KCNMB2: variants seen among roughly 807,000 people sequenced by gnomAD.
The protein encoded by KCNMB2 is calcium-activated potassium channel subunit beta-2.
KCNMB2 carries 9 observed loss-of-function variants against 24.5 expected under a neutral mutation model. The observed-to-expected ratio is 0.37, with a 90% CI of 0.22 to 0.64. The LOEUF is 0.64. Ranked by LOEUF, KCNMB2 falls within the 30% of genes least tolerant of loss-of-function variation. The pLI is 0.63. For missense variants in KCNMB2, 226 were observed against 284.3 expected, an observed-to-expected ratio of 0.79 and a Z score of 1.47; for synonymous variants, 109 against 104.4, an observed-to-expected ratio of 1.04 and a Z score of -0.27.
chr3:178,832,345 C>CATTCAGGATCACCTCATTCTGACTTCA (rs1278749569), intron 4 of KCNMB2, among the ~76,000 whole-genome samples: 28 of 83,312 alleles, frequency 3.4e-4, no homozygotes, highest in South Asian at 9.1e-4. Flanking sequence ...TAATCTTGGC[C>CATTCAGGATCACCTCATTCTGACTTCA]TATTTTAAAG....
intron 1 of KCNMB2, among the ~76,000 whole-genome samples, chr3:178,694,340 C>T (rs1377861520): frequency 6.6e-6 from 1 of 152,188 alleles, no homozygotes; most frequent in African/African-American, 2.4e-5. Flanking sequence ...TGGGTGGAGA[C>T]ACAGTCAAAC....
chr3:178,744,534 T>G (rs767503206), intron 1 of KCNMB2, among the ~76,000 whole-genome samples: 7 of 152,224 alleles, frequency 4.6e-5, no homozygotes, highest in Non-Finnish European at 1.0e-4. Flanking sequence ...TGGATGATGG[T>G]GACCAAACCA....
At chr3:178,603,294 A>G (rs1718157284) in intron 1 of KCNMB2, among the ~76,000 whole-genome samples, 1 of 152,232 alleles carries the variant, frequency 6.6e-6, no homozygotes, top group African/African-American at 2.4e-5. Context: ...AGTTAAATAT[A>G]TGTTATTAAG....
chr3:178,757,311 TCCAAGAGGACA>T lies in KCNMB2; in HGVS notation c.-67-50031_-67-50021del, dbSNP rs1361226658. Among the ~76,000 whole-genome samples, 58 of 124,338 alleles carry T rather than the reference TCCAAGAGGACA, an allele frequency of 4.7e-4. 1 individual carries two copies. The highest frequency in any genetic ancestry group is 1.2e-3 in the African/African-American group (42 of 33,882). 81.6% of individuals were successfully genotyped at this position (124,338 alleles called of 152,430 possible). ...AAGAGGATATATATATATATATCCA[TCCAAGAGGACA>T]TATATATATGTATATATATCCAAGA... On this transcript the variant is annotated intron_variant, in intron 1 of 4. Coordinates refer to ENST00000452583, the MANE Select transcript of KCNMB2 (RefSeq NM_181361.3).
chr3:178,752,259 T>C (rs1233450119), intron 1 of KCNMB2, among the ~76,000 whole-genome samples: 1 of 152,226 alleles, frequency 6.6e-6, no homozygotes, highest in African/African-American at 2.4e-5. Flanking sequence ...GGAATAGCAA[T>C]GAATTTTAGC....
At chr3:178,602,611 C>A (rs1718124194) in intron 1 of KCNMB2, among the ~76,000 whole-genome samples, 1 of 151,602 alleles carries the variant, frequency 6.6e-6, no homozygotes, top group Non-Finnish European at 1.5e-5. Flanking sequence ...GCCAGAGGGA[C>A]AAGGAGGAGC....
At chr3:178,684,299 T>G (rs1258797267) in intron 1 of KCNMB2, among the ~76,000 whole-genome samples, 1 of 119,476 alleles carries the variant, frequency 8.4e-6, no homozygotes, top group Non-Finnish European at 1.6e-5. Flanking sequence ...AAATCTCAAA[T>G]ATAGAGAGAT....
chr3:178,738,221 C>A (rs1483955218), intron 1 of KCNMB2, among the ~76,000 whole-genome samples: 1 of 152,148 alleles, frequency 6.6e-6, no homozygotes, highest in Non-Finnish European at 1.5e-5. Context: ...CATTCTCACT[C>A]CCCATCTTTA....
At chr3:178,538,105 G>C (rs1466052307) in intron 1 of KCNMB2, among the ~76,000 whole-genome samples, 1 of 152,126 alleles carries the variant, frequency 6.6e-6, no homozygotes, top group Non-Finnish European at 1.5e-5. Flanking sequence ...TATATATACT[G>C]TAATCCACAT....
chr3:178,760,456 C>T lies in KCNMB2; in HGVS notation c.-67-46887C>T, dbSNP rs182976787. Among the ~76,000 whole-genome samples, 202 of 125,914 alleles carry T rather than the reference C, an allele frequency of 1.6e-3. 2 individuals carry two copies. The highest frequency in any genetic ancestry group is 5.8e-3 in the African/African-American group (193 of 33,108). The allele number at this position is 125,914 out of a possible 152,430, so 82.6% of individuals were successfully genotyped here. A position where few individuals can be genotyped will look rare whatever the true frequency, so the allele number is the denominator to read the frequency against. ...CAAGATATATATATTATATATATAT[C>T]CATATCCAAGATATATATATATTAT... On this transcript the variant is annotated intron_variant, in intron 1 of 4. Transcript: ENST00000452583.
At chr3:178,821,293 C>T (rs934280402) in intron 2 of KCNMB2, among the ~76,000 whole-genome samples, 2 of 152,144 alleles carry the variant, frequency 1.3e-5, no homozygotes, top group Non-Finnish European at 2.9e-5. Flanking sequence ...ATACATAGGG[C>T]TGTGGCCCAA....
intron 1 of KCNMB2, among the ~76,000 whole-genome samples, chr3:178,675,029 G>A (rs1007964183): frequency 2.0e-5 from 3 of 152,166 alleles, no homozygotes; most frequent in African/African-American, 7.2e-5. Flanking sequence ...TGTTAAAATA[G>A]ACGGCAAGCT....
intron 1 of KCNMB2, among the ~76,000 whole-genome samples, chr3:178,674,140 G>T (rs1402902574): frequency 6.6e-6 from 1 of 151,208 alleles, no homozygotes; most frequent in Non-Finnish European, 1.5e-5. Flanking sequence ...TACCCCACTG[G>T]CCACTCTCTT....
intron 1 of KCNMB2, among the ~76,000 whole-genome samples, chr3:178,579,924 C>T (rs905117260): frequency 1.3e-5 from 2 of 152,038 alleles, no homozygotes; most frequent in Non-Finnish European, 1.5e-5. Flanking sequence ...AATTCACAGC[C>T]GAATTCTATC....
chr3:178,709,233 T>C (rs929400447), intron 1 of KCNMB2, among the ~76,000 whole-genome samples: 1 of 152,204 alleles, frequency 6.6e-6, no homozygotes, highest in African/African-American at 2.4e-5. Context: ...ACATCTGCTA[T>C]GTGTATTGGA....
intron 1 of KCNMB2, among the ~76,000 whole-genome samples, chr3:178,604,129 C>T (rs568607812): frequency 6.6e-6 from 1 of 152,240 alleles, no homozygotes; most frequent in South Asian, 2.1e-4. Context: ...GCCCACCTCC[C>T]CCCAGTACTC....
At chr3:178,707,849 G>A (rs1722329675) in intron 1 of KCNMB2, among the ~76,000 whole-genome samples, 1 of 152,130 alleles carries the variant, frequency 6.6e-6, no homozygotes, top group Non-Finnish European at 1.5e-5. Context: ...GCCAATCACA[G>A]GAGGCCAACT....
At chr3:178,632,639 C>T (rs576126803) in intron 1 of KCNMB2, among the ~76,000 whole-genome samples, 1 of 152,144 alleles carries the variant, frequency 6.6e-6, no homozygotes, top group East Asian at 1.9e-4. Context: ...ACGGGAACTA[C>T]AATTCAAGAT....
At chr3:178,728,205 T>C (rs1368607930) in intron 1 of KCNMB2, among the ~76,000 whole-genome samples, 1 of 152,142 alleles carries the variant, frequency 6.6e-6, no homozygotes, top group Non-Finnish European at 1.5e-5. Context: ...TGATTTTTCC[T>C]TAAAGAGAGT....
Sources: allele counts gnomAD v4.1 joint callset (sites outside exome capture counted in the v4.1 genomes callset), GRCh38; gene constraint gnomAD v4.1.1; transcripts MANE v1.5; gene names NCBI Gene and HGNC (gene_info 2026-07-23, HGNC 2026-07-21).